CCDC71L: variants seen among roughly 807,000 people sequenced by gnomAD.
CCDC71L encodes coiled-coil domain containing 71 like.
In CCDC71L, 6 loss-of-function variants were observed where a neutral mutation model predicts 10.2. That is an observed-to-expected ratio of 0.59 (90% CI 0.32 to 1.16). The LOEUF (loss-of-function observed/expected upper bound fraction) is 1.16, where lower values mean the gene tolerates loss of function less well. CCDC71L is among the 50% of genes most tolerant of loss of function. The pLI is 0.05. For missense variants in CCDC71L, 366 were observed against 383.4 expected (o/e 0.95, Z 0.38); for synonymous variants, 204 against 175.5 (o/e 1.16, Z -1.28).
chr7:106,660,979 G>GGCT lies in CCDC71L; in HGVS notation c.-86_-84dup, dbSNP rs889113795. The GGCT allele has an allele frequency of 3.1e-6, 4 of 1,294,286 alleles. No homozygotes were observed. Among genetic ancestry groups the GGCT allele is most frequent in the East Asian group, 3.2e-5 (1 of 31,314 alleles). 80.2% of individuals were successfully genotyped at this position (1,294,286 alleles called of 1,614,324 possible). A position where few individuals can be genotyped will look rare whatever the true frequency, so the allele number is the denominator to read the frequency against. ...CAGTCCGCGTTGGCTCCGCGGCGGC[G>GGCT]GCTGCTGCTGGCGTCTCTCGCTACT... On this transcript the variant is annotated 5_prime_UTR_variant, in exon 1 of 1. Transcript: ENST00000523505. This position sits in a 1 kb window ranked among gnomAD's most constrained non-coding sequence, Gnocchi z 7.5.
Position 106,657,103 on chromosome 7 carries a change from T to C in CCDC71L, c.*3086A>G, listed in dbSNP as rs1198196619. On this transcript the variant is annotated 3_prime_UTR_variant, in exon 1 of 1. Transcript: ENST00000523505. Reference sequence around the variant, plus strand: ...AGTTTTCTAAAAAATAGTACTATCATTTGCACACAGCAGATCAATAGGTGT... The same window carrying C: ...AGTTTTCTAAAAAATAGTACTATCACTTGCACACAGCAGATCAATAGGTGT... 6.6e-6 allele frequency: 1 copy of C among 152,236 alleles called. No individual in the cohort carries two copies. Among genetic ancestry groups the C allele is most frequent in the Non-Finnish European group, 1.5e-5 (1 of 68,044 alleles). The allele number at this position is 152,236 out of a possible 1,614,324, so 9.4% of individuals were successfully genotyped here.
rs1357915242 is a variant in CCDC71L, at chr7:106,659,497, A to T, written c.*692T>A. 1 of 152,640 alleles carries T rather than the reference A, an allele frequency of 6.6e-6. No homozygotes were observed. The highest frequency in any genetic ancestry group is 1.5e-5 in the Non-Finnish European group (1 of 68,028). 9.5% of individuals were successfully genotyped at this position (152,640 alleles called of 1,614,324 possible). ...CATTGTTTCAATACAAAACCTTTAAAAATACCTTGAAAATGTTTAAACAGT... is the reference window on the plus strand; with the variant it reads ...CATTGTTTCAATACAAAACCTTTAATAATACCTTGAAAATGTTTAAACAGT... On this transcript the variant is annotated 3_prime_UTR_variant, in exon 1 of 1. Coordinates refer to ENST00000523505, the MANE Select transcript of CCDC71L (RefSeq NM_175884.6).
In CCDC71L at chr7:106,654,669, G is replaced by T. The variant is rs1403557939; in HGVS notation, c.*5520C>A. Among the ~76,000 whole-genome samples the T allele has an allele frequency of 6.6e-6, 1 of 152,120 alleles. No homozygotes were observed. The highest frequency in any genetic ancestry group is 2.4e-5 in the African/African-American group (1 of 41,438). On this transcript the variant is annotated 3_prime_UTR_variant, in exon 1 of 1. Transcript: ENST00000523505. ...TTGGGCAAGAAGGTGAGTAGGTAAT[G>T]GCTGATGGGGTGTTAGGGAGGACTT...
In CCDC71L at chr7:106,659,965, G is replaced by A. The variant is rs1231360345; in HGVS notation, c.*224C>T. 1.8e-6 allele frequency: 1 copy of A among 559,100 alleles called. No individual in the cohort carries two copies. The highest frequency in any genetic ancestry group is 2.0e-5 in the African/African-American group (1 of 50,240). The allele number at this position is 559,100 out of a possible 1,614,324, so 34.6% of individuals were successfully genotyped here. A position where few individuals can be genotyped will look rare whatever the true frequency, so the allele number is the denominator to read the frequency against. ...CAGCTGTCCCCTCCCTCCGCAGGCC[G>A]GGTACGGGAGGCAGCAGAGGGCACA... On this transcript the variant is annotated 3_prime_UTR_variant, in exon 1 of 1. Transcript: ENST00000523505.
In CCDC71L at chr7:106,660,237, G is replaced by A. The variant is rs935353575; in HGVS notation, c.660C>T (p.Asn220=). The part of the protein sequence containing the change: ...RRRARQVLRV[N]LEPMVRLRRF... ...GGCGGAGCCTCACCATGGGTTCCAG[G>A]TTCACTCGCAGGACCTGGCGCGCCC... Residue 220 remains asparagine, a synonymous_variant, in exon 1 of 1, where the codon AAC becomes AAT. Coordinates refer to ENST00000523505, the MANE Select transcript of CCDC71L (RefSeq NM_175884.6). This position sits in a 1 kb window ranked among gnomAD's most constrained non-coding sequence, Gnocchi z 7.5. 2 of 1,578,270 alleles carry A rather than the reference G, an allele frequency of 1.3e-6. No individual in the cohort carries two copies. Among genetic ancestry groups the A allele is most frequent in the Admixed American group, 1.7e-5 (1 of 58,752 alleles).
rs1046368781 is a variant in CCDC71L at position 106,659,995 on chromosome 7, C to A, written c.*194G>T. On this transcript the variant is annotated 3_prime_UTR_variant, in exon 1 of 1. Transcript: ENST00000523505. ...CGGGAGGCAGCAGAGGGCACACCTG[C>A]CCCAGCGTCCAAGACGACCGCGCCG... The A allele has an allele frequency of 1.7e-5, 13 of 745,542 alleles. No homozygotes were observed. Among genetic ancestry groups the A allele is most frequent in the Non-Finnish European group, 2.6e-5 (13 of 501,548 alleles). The allele number at this position is 745,542 out of a possible 1,614,324, so 46.2% of individuals were successfully genotyped here.
At position 106,655,004 on chromosome 7, in the gene CCDC71L, C is replaced by T. The variant is rs1169374616; in HGVS notation, c.*5185G>A. Among the ~76,000 whole-genome samples the T allele has an allele frequency of 6.6e-6, 1 of 152,072 alleles. No individual in the cohort carries two copies. Among genetic ancestry groups the T allele is most frequent in the African/African-American group, 2.4e-5 (1 of 41,416 alleles). ...GAATGCTTTCGGAAGCTAAATAAGT[C>T]CAGTTTTGGATTCAGTAGACTACTT... On this transcript the variant is annotated 3_prime_UTR_variant, in exon 1 of 1. Coordinates refer to ENST00000523505, the MANE Select transcript of CCDC71L (RefSeq NM_175884.6).
At position 106,656,539 on chromosome 7, in the gene CCDC71L, T is replaced by C. The variant is rs966482148; in HGVS notation, c.*3650A>G. ...ATTTTATTGCTGGCAAACTGGTTAA[T>C]AAGTTGGGCTTGTAGCGCCATCCTA... is the stretch of plus-strand genomic sequence containing the variant. On this transcript the variant is annotated 3_prime_UTR_variant, in exon 1 of 1. Transcript: ENST00000523505. Among the ~76,000 whole-genome samples, 3 of 152,108 alleles carry C rather than the reference T, an allele frequency of 2.0e-5. No homozygotes were observed. Among genetic ancestry groups the C allele is most frequent in the African/African-American group, 4.8e-5 (2 of 41,424 alleles).
chr7:106,660,764 A>T lies in CCDC71L; in HGVS notation c.133T>A (p.Ser45Thr). 6.4e-7 allele frequency: 1 copy of T among 1,554,052 alleles called. No individual in the cohort carries two copies. Among genetic ancestry groups the T allele is most frequent in the Non-Finnish European group, 8.7e-7 (1 of 1,148,962 alleles). ...GTGCTGTCAGCCAGCGACAGTTGCG[A>T]CCGCGAGTACACCACCTTCTCCTCC... ...AREEKVVYSR[S>T]QLSLADSTKA... Residue 45 changes from serine (S) to threonine (T), a missense_variant, in exon 1 of 1, where the codon TCG becomes ACG. By Grantham distance (58) the Ser-to-Thr change is moderately conservative (BLOSUM62 1). Coordinates refer to ENST00000523505, the MANE Select transcript of CCDC71L (RefSeq NM_175884.6). The surrounding 1 kb of genome is among the most constrained non-coding windows in gnomAD (Gnocchi z 7.5).
In CCDC71L at chr7:106,660,938, A is replaced by G. The variant is rs1792587986; in HGVS notation, c.-42T>C. On this transcript the variant is annotated 5_prime_UTR_variant, in exon 1 of 1. Transcript: ENST00000523505. The surrounding 1 kb of genome is among the most constrained non-coding windows in gnomAD (Gnocchi z 7.5). Reference sequence around the variant, plus strand: ...CCACTCACGCTCGCCGGGTCCCACTACTGCCGCCGCCGTCCCAGTCCGCGT... The same window carrying G: ...CCACTCACGCTCGCCGGGTCCCACTGCTGCCGCCGCCGTCCCAGTCCGCGT... 7.6e-7 allele frequency: 1 copy of G among 1,312,728 alleles called. No individual in the cohort carries two copies. The highest frequency in any genetic ancestry group is 9.7e-7 in the Non-Finnish European group (1 of 1,032,770). 81.3% of individuals were successfully genotyped at this position (1,312,728 alleles called of 1,614,324 possible).
chr7:106,660,487 G>A lies in CCDC71L; in HGVS notation c.410C>T (p.Ala137Val). ...CCTCCTGCGGGCAGCGGCCGCCCGG[G>A]CTCCGCGGCGCCTCCTCCTGGCCGC... ...RAAARRRRRG[A>V]RAAAARRRKP... Residue 137 changes from alanine (A) to valine (V), a missense_variant, in exon 1 of 1, where the codon GCC (alanine) becomes GTC (valine). Transcript: ENST00000523505. This position sits in a 1 kb window ranked among gnomAD's most constrained non-coding sequence, Gnocchi z 7.5. 8.1e-7 allele frequency: 1 copy of A among 1,227,806 alleles called. No individual in the cohort carries two copies. Among genetic ancestry groups the A allele is most frequent in the Non-Finnish European group, 1.0e-6 (1 of 985,716 alleles). The allele number at this position is 1,227,806 out of a possible 1,614,324, so 76.1% of individuals were successfully genotyped here.
Position 106,661,071 on chromosome 7 carries a change from C to T in CCDC71L, c.-175G>A, listed in dbSNP as rs1376293617. ...GGACGCGGGCGAATATCCTGCTGCCCGGTACAAGATGGCGGCCGGCGCCCA... is the reference window on the plus strand; with the variant it reads ...GGACGCGGGCGAATATCCTGCTGCCTGGTACAAGATGGCGGCCGGCGCCCA... On this transcript the variant is annotated 5_prime_UTR_variant, in exon 1 of 1. Transcript: ENST00000523505. 6.1e-6 allele frequency: 6 copies of T among 981,736 alleles called. No individual in the cohort carries two copies. Among genetic ancestry groups the T allele is most frequent in the Non-Finnish European group, 5.4e-6 (4 of 736,864 alleles). The allele number at this position is 981,736 out of a possible 1,614,324, so 60.8% of individuals were successfully genotyped here.
rs1792524780 is a variant in CCDC71L, at chr7:106,658,302, T to C, written c.*1887A>G. ...CAGTGTTTGTACAATGCATTATCAT[T>C]GAGTAGTGAATAAAAGACTGAGGCT... On this transcript the variant is annotated 3_prime_UTR_variant, in exon 1 of 1. Transcript: ENST00000523505. The C allele has an allele frequency of 6.6e-6, 1 of 152,184 alleles. No homozygotes were observed. Among genetic ancestry groups the C allele is most frequent in the Admixed American group, 6.5e-5 (1 of 15,268 alleles). The allele number at this position is 152,184 out of a possible 1,614,324, so 9.4% of individuals were successfully genotyped here.
rs781416527 is a variant in CCDC71L, at chr7:106,660,248, G to A, written c.649C>T (p.Leu217=). 1.5e-5 allele frequency: 23 copies of A among 1,576,458 alleles called. No individual in the cohort carries two copies. Among genetic ancestry groups the A allele is most frequent in the East Asian group, 2.4e-5 (1 of 42,088 alleles). The change falls in exon 1 of 1, where the codon CTG becomes TTG. Residue 217 remains leucine (L), a synonymous_variant. Coordinates refer to ENST00000523505, the MANE Select transcript of CCDC71L (RefSeq NM_175884.6). This position sits in a 1 kb window ranked among gnomAD's most constrained non-coding sequence, Gnocchi z 7.5. ...AAARRRARQV[L]RVNLEPMVRL... ...ACCATGGGTTCCAGGTTCACTCGCA[G>A]GACCTGGCGCGCCCTGCGCCGCGCT...
Position 106,660,429 on chromosome 7 carries a change from G to T in CCDC71L, c.468C>A (p.Pro156=), listed in dbSNP as rs1792571551. The T allele has an allele frequency of 1.6e-6, 2 of 1,237,808 alleles. No homozygotes were observed. Among genetic ancestry groups the T allele is most frequent in the African/African-American group, 3.1e-5 (2 of 64,170 alleles). The allele number at this position is 1,237,808 out of a possible 1,614,324, so 76.7% of individuals were successfully genotyped here. Residue 156 remains proline (P), a synonymous_variant, in exon 1 of 1, where the codon CCC becomes CCA. Transcript: ENST00000523505. The surrounding 1 kb of genome is among the most constrained non-coding windows in gnomAD (Gnocchi z 7.5). The part of the protein sequence containing the change: ...KPRPPPPPPP[P]PEESCPAKPV... ...GCTTGGCCGGGCAGCTCTCCTCGGGGGGCGGCGGCGGTGGGGGTGGCGGCC... is the reference window on the plus strand; with the variant it reads ...GCTTGGCCGGGCAGCTCTCCTCGGGTGGCGGCGGCGGTGGGGGTGGCGGCC...
At position 106,656,334 on chromosome 7, in the gene CCDC71L, T is replaced by G. The variant is rs1342917808; in HGVS notation, c.*3855A>C. ...TCTGCCTTCTAGACTCTAATGAAAATTCTAGCCCTGCCCTTATTCTGTGGA... is the reference window on the plus strand; with the variant it reads ...TCTGCCTTCTAGACTCTAATGAAAAGTCTAGCCCTGCCCTTATTCTGTGGA... On this transcript the variant is annotated 3_prime_UTR_variant, in exon 1 of 1. Transcript: ENST00000523505. Among the ~76,000 whole-genome samples the G allele has an allele frequency of 6.6e-6, 1 of 152,124 alleles. No individual in the cohort carries two copies. Among genetic ancestry groups the G allele is most frequent in the African/African-American group, 2.4e-5 (1 of 41,428 alleles).
rs1488112483 is a variant in CCDC71L, at chr7:106,660,927, CG to C, written c.-32del. Reference sequence around the variant, plus strand: ...GCCGCTCCGGGCCACTCACGCTCGCCGGGTCCCACTACTGCCGCCGCCGTCC... The same window carrying C: ...GCCGCTCCGGGCCACTCACGCTCGCCGGTCCCACTACTGCCGCCGCCGTCC... On this transcript the variant is annotated 5_prime_UTR_variant, in exon 1 of 1. Transcript: ENST00000523505. This position sits in a 1 kb window ranked among gnomAD's most constrained non-coding sequence, Gnocchi z 7.5. The C allele has an allele frequency of 1.5e-6, 2 of 1,337,388 alleles. No homozygotes were observed. The highest frequency in any genetic ancestry group is 3.1e-5 in the African/African-American group (2 of 64,580). 82.8% of individuals were successfully genotyped at this position (1,337,388 alleles called of 1,614,324 possible). A position where few individuals can be genotyped will look rare whatever the true frequency, so the allele number is the denominator to read the frequency against.
At position 106,661,005 on chromosome 7, in the gene CCDC71L, T is replaced by C; in HGVS notation, c.-109A>G. On this transcript the variant is annotated 5_prime_UTR_variant, in exon 1 of 1. Transcript: ENST00000523505. The stretch of plus-strand genomic sequence containing the variant: ...GCTGCTGCTGGCGTCTCTCGCTACT[T>C]TTCTCGCCTCCGCCGCCGCCCCTCC... 1 of 1,278,976 alleles carries C rather than the reference T, an allele frequency of 7.8e-7. No homozygotes were observed. Among genetic ancestry groups the C allele is most frequent in the Non-Finnish European group, 9.9e-7 (1 of 1,011,636 alleles). The allele number at this position is 1,278,976 out of a possible 1,614,324, so 79.2% of individuals were successfully genotyped here. A position where few individuals can be genotyped will look rare whatever the true frequency, so the allele number is the denominator to read the frequency against.
In CCDC71L at chr7:106,654,998, A is replaced by G. The variant is rs74525057; in HGVS notation, c.*5191T>C. 0.029 allele frequency among the ~76,000 whole-genome samples: 4,389 copies of G among 152,250 alleles called. 195 individuals carry two copies. The highest frequency in any genetic ancestry group is 0.099 in the African/African-American group (4,119 of 41,534). On this transcript the variant is annotated 3_prime_UTR_variant, in exon 1 of 1. Coordinates refer to ENST00000523505, the MANE Select transcript of CCDC71L (RefSeq NM_175884.6). ...TTCTATGAATGCTTTCGGAAGCTAAATAAGTCCAGTTTTGGATTCAGTAGA... is the reference window on the plus strand; with the variant it reads ...TTCTATGAATGCTTTCGGAAGCTAAGTAAGTCCAGTTTTGGATTCAGTAGA...
Sources: gnomAD v4.1 joint callset for allele counts (sites outside exome capture counted in the v4.1 genomes callset) on GRCh38, gnomAD v4.1.1 for gene constraint, Gnocchi (gnomAD v3.1) non-coding constraint, MANE v1.5 for transcripts, NCBI Gene and HGNC (gene_info 2026-07-23, HGNC 2026-07-21) for gene names.